The following SLC7A2 variants were observed in gnomAD, a reference collection of about 807,000 sequenced individuals.
SLC7A2 encodes cationic amino acid transporter 2.
SLC7A2 carries 48 observed loss-of-function variants against 58.9 expected under a neutral mutation model. The observed-to-expected ratio is 0.82, with a 90% CI of 0.65 to 1.04. SLC7A2 has a LOEUF of 1.04. Among genes scored for constraint, SLC7A2 ranks in the 50% least tolerant of loss-of-function variants. The pLI, the probability that SLC7A2 is intolerant of heterozygous loss-of-function variation, is 0.00. For missense variants in SLC7A2, 1,029 were observed against 818.8 expected, an observed-to-expected ratio of 1.26 and a Z score of -3.13; for synonymous variants, 363 against 314.5, an observed-to-expected ratio of 1.15 and a Z score of -1.63.
At chr8:17,552,739 C>G (rs1467938923) in intron 7 of SLC7A2, among the ~76,000 whole-genome samples, 1 of 152,162 alleles carries the variant, frequency 6.6e-6, no homozygotes, top group East Asian at 1.9e-4. Context: ...TGTTTGAATA[C>G]TTTAGAACTC....
chr8:17,558,167 C>T (rs1438395548), intron 8 of SLC7A2, 128 bp from the exon 9 acceptor site: 3 of 622,818 alleles, frequency 4.8e-6, no homozygotes, highest in Non-Finnish European at 8.8e-6. Flanking sequence ...ATATTTTCTA[C>T]ACTCTGGTTG....
chr8:17,495,418 TAATTTGC>T (rs1313019515), upstream of SLC7A2, among the ~76,000 whole-genome samples: 2 of 152,250 alleles, frequency 1.3e-5, no homozygotes, highest in African/African-American at 4.8e-5. Context: ...TTATTAATGA[TAATTTGC>T]ATAAGGAATC....
At chr8:17,516,633 C>T (rs1800814958) in intron 2 of SLC7A2, among the ~76,000 whole-genome samples, 1 of 152,226 alleles carries the variant, frequency 6.6e-6, no homozygotes, top group African/African-American at 2.4e-5. Context: ...CTTCTTCCCT[C>T]TTTGGGCCAC....
intron 2 of SLC7A2, among the ~76,000 whole-genome samples, chr8:17,510,188 C>G (rs1314532812): frequency 1.3e-5 from 2 of 151,834 alleles, no homozygotes; most frequent in Admixed American, 6.6e-5. Context: ...CCGCTGCACT[C>G]CAGCCTGGGT....
Position 17,550,420 on chromosome 8 carries a change from G to A in SLC7A2, c.818G>A (p.Cys273Tyr), listed in dbSNP as rs1291512729. The A allele has an allele frequency of 1.2e-6, 2 of 1,613,558 alleles. No homozygotes were observed. Among genetic ancestry groups the A allele is most frequent in the Non-Finnish European group, 1.7e-6 (2 of 1,179,706 alleles). ...TTTTATGCCTTTGTGGGATTTGACT[G>A]CATTGCAACAACTGGTAAGAGCAGT... ...TCFYAFVGFDCIATTGEEVRN... is the reference protein window; with the variant it reads ...TCFYAFVGFDYIATTGEEVRN... The change falls in exon 6 of 13, where the codon TGC becomes TAC. Residue 273 changes from cysteine to tyrosine, a missense_variant. Transcript: ENST00000494857.
In SLC7A2 at chr8:17,543,303, C is replaced by T; in HGVS notation, c.-22-15C>T. The T allele has an allele frequency of 6.3e-7, 1 of 1,577,162 alleles. No homozygotes were observed. The highest frequency in any genetic ancestry group is 8.6e-7 in the Non-Finnish European group (1 of 1,162,866). The stretch of plus-strand genomic sequence containing the variant: ...CAATTCCAGATCAGCTTCTAACCTC[C>T]TCCCTTCTGCTCAGGTCGCCTTCGT... On this transcript the variant is annotated splice_polypyrimidine_tract_variant and intron_variant, in intron 2 of 12. Coordinates refer to ENST00000494857, the MANE Select transcript of SLC7A2 (RefSeq NM_001370338.1).
rs377180464 is a variant in SLC7A2 at position 17,548,910 on chromosome 8, G to C, written c.698+67G>C. The C allele has an allele frequency of 1.9e-5, 25 of 1,331,834 alleles. No individual in the cohort carries two copies. In the African/African-American group the frequency reaches 1.9e-4, roughly 10 times the overall value. The allele number at this position is 1,331,834 out of a possible 1,614,324, so 82.5% of individuals were successfully genotyped here. ...GAAAATATTTTAAGTGGGTGTATTA[G>C]TTCATTTTTACTCTGCTAATAAAGA... is the stretch of plus-strand genomic sequence containing the variant. On this transcript the variant is annotated intron_variant, in intron 5 of 12. Coordinates refer to ENST00000494857, the MANE Select transcript of SLC7A2 (RefSeq NM_001370338.1).
chr8:17,540,507 C>G (rs1801865875), intron 2 of SLC7A2, among the ~76,000 whole-genome samples: 1 of 150,860 alleles, frequency 6.6e-6, no homozygotes, highest in Admixed American at 6.6e-5. Context: ...CCAACCCCTC[C>G]AAAAAAGAAA....
intron 6 of SLC7A2, 50 bp from the exon 7 acceptor site, chr8:17,551,714 C>G (rs1384268045): frequency 4.6e-6 from 6 of 1,306,036 alleles, no homozygotes; most frequent in Non-Finnish European, 6.7e-6. Flanking sequence ...AATTTCTTTA[C>G]CTGTTGATGT....
At chr8:17,563,799 C>T in intron 12 of SLC7A2, 88 bp downstream of exon 12, 1 of 766,402 alleles carries the variant, frequency 1.3e-6, no homozygotes. Context: ...GGAATAAAGG[C>T]TTTTTTTTCC....
chr8:17,499,904 C>G (rs1800087101), intron 1 of SLC7A2: 1 of 152,098 alleles, frequency 6.6e-6, no homozygotes, highest in Non-Finnish European at 1.5e-5. Context: ...CATTTTAGTA[C>G]CTAATATAGT....
intron 7 of SLC7A2, among the ~76,000 whole-genome samples, chr8:17,554,206 G>C (rs918348902): frequency 1.3e-5 from 2 of 152,020 alleles, no homozygotes; most frequent in African/African-American, 4.8e-5. Context: ...CCAAGTTGTT[G>C]CTGCTAAAAA....
intron 2 of SLC7A2, among the ~76,000 whole-genome samples, chr8:17,530,262 T>A (rs1309718973): frequency 6.6e-6 from 1 of 152,132 alleles, no homozygotes; most frequent in Non-Finnish European, 1.5e-5. Flanking sequence ...GAAAGAACCT[T>A]CTTGCTGTGT....
intron 2 of SLC7A2, among the ~76,000 whole-genome samples, chr8:17,522,477 C>T (rs1027863499): frequency 1.3e-5 from 2 of 152,106 alleles, no homozygotes; most frequent in Admixed American, 6.5e-5. Context: ...GTAGATTGTG[C>T]GCTTGTTTGT....
chr8:17,502,348 G>C, intron 2 of SLC7A2, 46 bp downstream of exon 2: 1 of 151,598 alleles, frequency 6.6e-6, no homozygotes, highest in African/African-American at 2.4e-5. Context: ...AATGGAAAAA[G>C]GACTGATAAA....
chr8:17,560,614 AG>A, intron 10 of SLC7A2, 81 bp downstream of exon 10: 1 of 1,220,896 alleles, frequency 8.2e-7, no homozygotes, highest in Non-Finnish European at 1.2e-6. Flanking sequence ...AAGAGAAAAG[AG>A]GGCCTAACAT....
At chr8:17,497,655 T>C (rs1800006720) in intron 1 of SLC7A2, among the ~76,000 whole-genome samples, 1 of 152,166 alleles carries the variant, frequency 6.6e-6, no homozygotes, top group Non-Finnish European at 1.5e-5. Flanking sequence ...AGGCTGAACC[T>C]CCTGGCCCTG....
intron 2 of SLC7A2, among the ~76,000 whole-genome samples, chr8:17,513,778 T>G (rs17124738): frequency 0.14 from 21,401 of 152,150 alleles, 3,384 homozygotes; most frequent in African/African-American, 0.36. Flanking sequence ...CCAAGCAAAA[T>G]TGACTTTTTG....
intron 11 of SLC7A2, among the ~76,000 whole-genome samples, 161 bp downstream of exon 11, chr8:17,562,271 TCTTGGCTCACTGCAA>T (rs1333524107): frequency 6.8e-6 from 1 of 147,528 alleles, no homozygotes; most frequent in Non-Finnish European, 1.5e-5. Flanking sequence ...AGCGAAGTGA[TCTTGGCTCACTGCAA>T]CTTTTGCCTC....
Sources: allele counts gnomAD v4.1 joint callset (sites outside exome capture counted in the v4.1 genomes callset), GRCh38; gene constraint gnomAD v4.1.1; transcripts MANE v1.5; gene names NCBI Gene and HGNC (gene_info 2026-07-23, HGNC 2026-07-21).